The following PLAAT1 variants were observed in gnomAD, a reference collection of about 807,000 sequenced individuals.
PLAAT1 encodes phospholipase A and acyltransferase 1.
PLAAT1 carries 13 observed loss-of-function variants against 16.4 expected under a neutral mutation model. That is an observed-to-expected ratio of 0.79 (90% CI 0.52 to 1.26). The LOEUF (loss-of-function observed/expected upper bound fraction) is 1.26. Ranked by LOEUF, PLAAT1 falls within the 50% of genes most tolerant of loss-of-function variation. The pLI is 0.00. For synonymous variants in PLAAT1, 73 were observed against 78.4 expected, an observed-to-expected ratio of 0.93 and a Z score of 0.36; for missense variants, 218 against 207.8, an observed-to-expected ratio of 1.05 and a Z score of -0.30.
downstream of PLAAT1, chr3:193,279,434 G>T: frequency 6.2e-7 from 1 of 1,613,518 alleles, no homozygotes. Context: ...AAGGCAGCTA[G>T]CAGCAGAAAT....
chr3:193,279,619 GAAGGT>G (rs1439286924), downstream of PLAAT1, among the ~76,000 whole-genome samples: 1 of 152,142 alleles, frequency 6.6e-6, no homozygotes, highest in African/African-American at 2.4e-5. Flanking sequence ...CTTATAAGAT[GAAGGT>G]AATATCTTAG....
In PLAAT1 at chr3:193,241,530, T is replaced by A; in HGVS notation, c.-4T>A. 1 of 1,231,436 alleles carries A rather than the reference T, an allele frequency of 8.1e-7. No individual in the cohort carries two copies. The highest frequency in any genetic ancestry group is 1.0e-6 in the Non-Finnish European group (1 of 988,000). The allele number at this position is 1,231,436 out of a possible 1,614,324, so 76.3% of individuals were successfully genotyped here. A position where few individuals can be genotyped will look rare whatever the true frequency, so the allele number is the denominator to read the frequency against. ...CGAGAAGAAGACCCCGGCTTGAGAG[T>A]GAGGTGTGCTGGGCGGAGTGGGGGA... On this transcript the variant is annotated 5_prime_UTR_variant, in exon 1 of 4. Coordinates refer to ENST00000264735, the MANE Select transcript of PLAAT1 (RefSeq NM_020386.5).
Position 193,241,535 on chromosome 3 carries a change from T to A in PLAAT1, c.-1+2T>A, listed in dbSNP as rs1715746972. On this transcript the variant is annotated splice_donor_variant, in intron 1 of 3. Transcript: ENST00000264735. LOFTEE classifies it low-confidence loss of function (5UTR_SPLICE). ...AGAAGACCCCGGCTTGAGAGTGAGG[T>A]GTGCTGGGCGGAGTGGGGGAGGACC... 13 of 1,231,318 alleles carry A rather than the reference T, an allele frequency of 1.1e-5. No homozygotes were observed. The highest frequency in any genetic ancestry group is 1.3e-5 in the Non-Finnish European group (13 of 987,994). 76.3% of individuals were successfully genotyped at this position (1,231,318 alleles called of 1,614,324 possible).
chr3:193,243,943 G>A (rs963732440), intron 1 of PLAAT1, among the ~76,000 whole-genome samples: 16 of 152,154 alleles, frequency 1.1e-4, no homozygotes, highest in Non-Finnish European at 1.9e-4. Context: ...TTTCAAGAAT[G>A]TTATAAAAAT....
intron 1 of PLAAT1, among the ~76,000 whole-genome samples, chr3:193,243,787 C>T (rs557292986): frequency 9.9e-5 from 15 of 152,164 alleles, no homozygotes; most frequent in Non-Finnish European, 4.4e-5. Context: ...ATAATCAGCT[C>T]GCAGTCTAAC....
chr3:193,242,036 C>A (rs1403792457), intron 1 of PLAAT1, among the ~76,000 whole-genome samples: 1 of 151,974 alleles, frequency 6.6e-6, no homozygotes, highest in Non-Finnish European at 1.5e-5. Context: ...GCTCACTAAC[C>A]GCGTGCGGCC....
At chr3:193,245,622 T>C (rs1205141322) in intron 1 of PLAAT1, among the ~76,000 whole-genome samples, 1 of 152,200 alleles carries the variant, frequency 6.6e-6, no homozygotes, top group Non-Finnish European at 1.5e-5. Context: ...CATACTATTT[T>C]CCAAAATGGC....
In PLAAT1 at chr3:193,241,280, C is replaced by T; in HGVS notation, c.-254C>T. 8.1e-7 allele frequency: 1 copy of T among 1,230,204 alleles called. No homozygotes were observed. 76.2% of individuals were successfully genotyped at this position (1,230,204 alleles called of 1,614,324 possible). On this transcript the variant is annotated 5_prime_UTR_variant, in exon 1 of 4. Transcript: ENST00000264735. ...ACGCCGAGCCCAGCGCGTCGGCCCC[C>T]CGGCGTGCGGGCGTCTCAGAGCCGC...
intron 1 of PLAAT1, among the ~76,000 whole-genome samples, chr3:193,255,379 G>T (rs1716337515): frequency 6.6e-6 from 1 of 152,100 alleles, no homozygotes; most frequent in South Asian, 2.1e-4. Flanking sequence ...CAGAATGCTT[G>T]TTATTATAAA....
intron 3 of PLAAT1, among the ~76,000 whole-genome samples, chr3:193,264,006 A>G (rs1716686657): frequency 6.6e-6 from 1 of 152,224 alleles, no homozygotes; most frequent in South Asian, 2.1e-4. Flanking sequence ...TCCAAAATAC[A>G]TATAAAAGTG....
downstream of PLAAT1, among the ~76,000 whole-genome samples, chr3:193,272,780 G>GTGTTTGA (rs1717026199): frequency 6.7e-6 from 1 of 150,264 alleles, no homozygotes; most frequent in South Asian, 2.1e-4. Context: ...CACATTGGTA[G>GTGTTTGA]TGTTTGAGGG....
At chr3:193,248,153 A>G (rs978550544) in intron 1 of PLAAT1, among the ~76,000 whole-genome samples, 2 of 152,156 alleles carry the variant, frequency 1.3e-5, no homozygotes, top group Admixed American at 1.3e-4. Context: ...ATCATTATAT[A>G]ATAACTTTTC....
chr3:193,252,519 T>C (rs1003442210), intron 1 of PLAAT1, among the ~76,000 whole-genome samples: 1 of 152,302 alleles, frequency 6.6e-6, no homozygotes, highest in Non-Finnish European at 1.5e-5. Context: ...CTTTTCATCT[T>C]AACAGGATCT....
intron 3 of PLAAT1, among the ~76,000 whole-genome samples, chr3:193,265,643 CAA>C (rs1338362425): frequency 6.6e-6 from 1 of 150,880 alleles, no homozygotes; most frequent in Non-Finnish European, 1.5e-5. Flanking sequence ...AATTAGATCT[CAA>C]AATTTTTTTT....
downstream of PLAAT1, among the ~76,000 whole-genome samples, chr3:193,278,935 G>A (rs1301346055): frequency 1.3e-5 from 2 of 152,100 alleles, no homozygotes; most frequent in African/African-American, 4.8e-5. Context: ...TATATCCACT[G>A]ATATAAAACT....
intron 2 of PLAAT1, among the ~76,000 whole-genome samples, chr3:193,276,230 T>C (rs1348588351): frequency 6.6e-6 from 1 of 152,198 alleles, no homozygotes; most frequent in Admixed American, 6.5e-5. Context: ...AACTCTCCTT[T>C]TACAAAGATA....
At chr3:193,275,177 G>A, downstream of PLAAT1, 1 of 1,614,128 alleles carries the variant, frequency 6.2e-7, no homozygotes, top group Non-Finnish European at 8.5e-7. Context: ...AATCTGTCCT[G>A]TTTATGGGAG....
intron 3 of PLAAT1, among the ~76,000 whole-genome samples, chr3:193,267,004 AT>A (rs1414690981): frequency 4.1e-5 from 5 of 121,874 alleles, no homozygotes; most frequent in African/African-American, 1.8e-4. Context: ...TTATGATTTC[AT>A]CTTTTTTTCT....
intron 2 of PLAAT1, among the ~76,000 whole-genome samples, chr3:193,260,890 T>C (rs1338788308): frequency 6.6e-6 from 1 of 152,156 alleles, no homozygotes; most frequent in Non-Finnish European, 1.5e-5. Context: ...AGAAGACACA[T>C]GTACTTGAAT....
Sources: allele counts gnomAD v4.1 joint callset (sites outside exome capture counted in the v4.1 genomes callset), GRCh38; gene constraint gnomAD v4.1.1; transcripts MANE v1.5; gene names NCBI Gene and HGNC (gene_info 2026-07-23, HGNC 2026-07-21).